The following PARK7 variants were observed in gnomAD, a reference collection of about 807,000 sequenced individuals.
PARK7 encodes Parkinsonism associated deglycase, also known as Parkinson disease protein 7.
PARK7 carries 14 observed loss-of-function variants against 20.5 expected under a neutral mutation model. That is an observed-to-expected ratio of 0.68 (90% confidence interval 0.45 to 1.07). PARK7 has a LOEUF of 1.07. Ranked by LOEUF, PARK7 falls within the 50% of genes least tolerant of loss-of-function variation. PARK7 has a pLI of 0.00. For synonymous variants in PARK7, 98 were observed against 84.3 expected (o/e 1.16, Z -0.89); for missense variants, 234 against 238.1 (o/e 0.98, Z 0.11).
chr1:7,983,144 C>T (rs542587699), intron 6 of PARK7, among the ~76,000 whole-genome samples: 27 of 152,336 alleles, frequency 1.8e-4, no homozygotes, highest in African/African-American at 5.5e-4. Context: ...TCTGCGTGTT[C>T]ATTGAACAGA....
intron 6 of PARK7, among the ~76,000 whole-genome samples, chr1:7,979,920 G>C (rs1640674817): frequency 6.6e-6 from 1 of 152,182 alleles, no homozygotes; most frequent in Admixed American, 6.5e-5. Context: ...ACTTGGGGAG[G>C]CCGGTGGGGG....
At position 7,977,658 on chromosome 1, in the gene PARK7, C is replaced by G. The variant is rs750800796; in HGVS notation, c.329C>G (p.Thr110Ser). ...TTTTTATTTTTATTCTTAGGTCCTA[C>G]TGCTCTGTTGGCTCATGAAATAGGT... ...GLIAAICAGP[T>S]ALLAHEIGFG... The change falls in exon 6 of 7, where the codon ACT becomes AGT. Residue 110 changes from threonine to serine, a missense_variant. Physicochemically the swap from Thr to Ser is moderately conservative, Grantham distance 58. Coordinates refer to ENST00000338639, the MANE Select transcript of PARK7 (RefSeq NM_007262.5). 9.3e-6 allele frequency: 15 copies of G among 1,613,552 alleles called. No homozygotes were observed. The East Asian group carries it at 3.1e-4, about 34-fold the overall frequency.
chr1:7,968,742 C>T (rs1440927263), intron 3 of PARK7, among the ~76,000 whole-genome samples: 5 of 152,116 alleles, frequency 3.3e-5, no homozygotes, highest in African/African-American at 4.8e-5. Context: ...GTCTCGAACT[C>T]CTGAGCTCAG....
chr1:7,962,930 A>G (rs1237099660), intron 2 of PARK7, 55 bp downstream of exon 2: 13 of 1,390,102 alleles, frequency 9.4e-6, no homozygotes, highest in East Asian at 4.6e-5. Context: ...TTGGATTTTT[A>G]AATCATTTTG....
chr1:7,973,942 T>C (rs996962683), intron 5 of PARK7, among the ~76,000 whole-genome samples: 1 of 151,518 alleles, frequency 6.6e-6, no homozygotes, highest in Non-Finnish European at 1.5e-5. Context: ...ACATTTGGCT[T>C]ACTGTTTTGT....
rs6686827 is a variant in PARK7 at position 7,972,668 on chromosome 1, C to G, written c.322+1705C>G. On this transcript the variant is annotated intron_variant, in intron 5 of 6. Transcript: ENST00000338639. ...CCTGTAATCTCAGCACTTTGGGAAG[C>G]TGAGGTGGGCAGATCGTTTGAGGTC... Among the ~76,000 whole-genome samples, 812 of 152,272 alleles carry G rather than the reference C, an allele frequency of 5.3e-3. 4 individuals are homozygous for G. The highest frequency in any genetic ancestry group is 0.019 in the African/African-American group (780 of 41,558).
Position 7,977,722 on chromosome 1 carries a change from C to T in PARK7, c.393C>T (p.Asp131=). The T allele has an allele frequency of 1.2e-6, 2 of 1,613,916 alleles. No homozygotes were observed. Among genetic ancestry groups the T allele is most frequent in the African/African-American group, 1.3e-5 (1 of 75,026 alleles). ...TTACAACACACCCTCTTGCTAAAGACAAAATGATGAATGGAGGTAAGTATA... is the reference window on the plus strand; with the variant it reads ...TTACAACACACCCTCTTGCTAAAGATAAAATGATGAATGGAGGTAAGTATA... The part of the protein sequence containing the change: ...SKVTTHPLAK[D]KMMNGGHYTY... Residue 131 remains aspartate (D), a synonymous_variant, in exon 6 of 7, where the codon GAC becomes GAT. Coordinates refer to ENST00000338639, the MANE Select transcript of PARK7 (RefSeq NM_007262.5).
In PARK7 at chr1:7,985,207, G is replaced by C. The variant is rs1456528956; in HGVS notation, c.*153G>C. The stretch of plus-strand genomic sequence containing the variant: ...AGTATGGAAGTCACAACTACACAGA[G>C]ATTTCTCAGCCTACAAATTGTGTCT... On this transcript the variant is annotated 3_prime_UTR_variant, in exon 7 of 7. Coordinates refer to ENST00000338639, the MANE Select transcript of PARK7 (RefSeq NM_007262.5). The C allele has an allele frequency of 9.9e-7, 1 of 1,013,888 alleles. No individual in the cohort carries two copies. Among genetic ancestry groups the C allele is most frequent in the South Asian group, 1.4e-5 (1 of 71,528 alleles). 62.8% of individuals were successfully genotyped at this position (1,013,888 alleles called of 1,614,324 possible).
intron 3 of PARK7, 73 bp from the exon 4 acceptor site, chr1:7,969,269 GTAT>G: frequency 8.4e-7 from 1 of 1,193,618 alleles, no homozygotes; most frequent in South Asian, 1.3e-5. Context: ...AAATAGGAAA[GTAT>G]TATTGGACTG....
chr1:7,970,107 A>T (rs576161545), intron 4 of PARK7, among the ~76,000 whole-genome samples: 1 of 152,072 alleles, frequency 6.6e-6, no homozygotes, highest in Non-Finnish European at 1.5e-5. Context: ...TGGTGGGAGG[A>T]TGACTTGAGG....
intron 6 of PARK7, among the ~76,000 whole-genome samples, chr1:7,978,572 A>G (rs954544507): frequency 1.3e-5 from 2 of 151,400 alleles, no homozygotes; most frequent in Admixed American, 1.3e-4. Flanking sequence ...GACTGGGCAC[A>G]GTGGCTTCCG....
At chr1:7,970,240 G>A (rs178932) in intron 4 of PARK7, among the ~76,000 whole-genome samples, 114,503 of 152,032 alleles carry the variant, frequency 0.75, 44,196 homozygotes, top group African/African-American at 0.93. Flanking sequence ...GAATTGGTGG[G>A]ACCGTTATGA....
chr1:7,967,659 C>G (rs1640357425), intron 3 of PARK7, among the ~76,000 whole-genome samples: 1 of 152,152 alleles, frequency 6.6e-6, no homozygotes, highest in Non-Finnish European at 1.5e-5. Context: ...TGGTTCACAC[C>G]TGAAATCCTA....
intron 6 of PARK7, among the ~76,000 whole-genome samples, chr1:7,979,497 T>G (rs1321649195): frequency 6.6e-6 from 1 of 152,136 alleles, no homozygotes; most frequent in African/African-American, 2.4e-5. Context: ...ATCCATGGTT[T>G]GTTTATTTAT....
At chr1:7,973,973 C>T (rs1324840730) in intron 5 of PARK7, among the ~76,000 whole-genome samples, 2 of 151,168 alleles carry the variant, frequency 1.3e-5, no homozygotes, top group African/African-American at 4.9e-5. Flanking sequence ...GATGGAATGC[C>T]ATGCTAAGAA....
intron 2 of PARK7, among the ~76,000 whole-genome samples, chr1:7,963,117 G>A (rs543660500): frequency 4.7e-4 from 71 of 152,222 alleles, no homozygotes; most frequent in African/African-American, 1.7e-3. Context: ...AGGCTGGAGT[G>A]CGATGGCAGG....
intron 6 of PARK7, among the ~76,000 whole-genome samples, chr1:7,983,389 C>G (rs1480480873): frequency 1.3e-5 from 2 of 152,256 alleles, no homozygotes; most frequent in Non-Finnish European, 1.5e-5. Flanking sequence ...TCACCATCAT[C>G]CAGTCACCTG....
chr1:7,974,975 G>T (rs1389109065), intron 5 of PARK7, among the ~76,000 whole-genome samples: 1 of 151,362 alleles, frequency 6.6e-6, no homozygotes. Context: ...CCTGCCTCAG[G>T]CTCCCGAGTA....
At chr1:7,976,920 G>C (rs1354203294) in intron 5 of PARK7, among the ~76,000 whole-genome samples, 2 of 152,028 alleles carry the variant, frequency 1.3e-5, no homozygotes, top group Non-Finnish European at 2.9e-5. Flanking sequence ...CAGGGTTCCA[G>C]CGTGTTAGCC....
Sources: gnomAD v4.1 joint callset for allele counts (sites outside exome capture counted in the v4.1 genomes callset) on GRCh38, gnomAD v4.1.1 for gene constraint, MANE v1.5 for transcripts, NCBI Gene and HGNC (gene_info 2026-07-23, HGNC 2026-07-21) for gene names.